CRIPTO: variants seen among roughly 807,000 people sequenced by gnomAD.
CRIPTO encodes protein Cripto.
chr3:46,582,262 C>A, the CRIPTO span: 1 of 152,138 alleles, frequency 6.6e-6, no homozygotes, highest in African/African-American at 2.4e-5. Flanking sequence ...AAAAATTATA[C>A]CTCAATGTCC....
At chr3:46,581,686 A>AT in the CRIPTO span, 1 of 491,188 alleles carries the variant, frequency 2.0e-6, no homozygotes, top group South Asian at 3.5e-5. Context: ...ATTTTTTTGT[A>AT]TTTTTAGTAG....
the CRIPTO span, chr3:46,577,874 C>T: frequency 2.3e-6 from 3 of 1,321,146 alleles, no homozygotes; most frequent in Non-Finnish European, 3.3e-6. Context: ...TTGCCATTTT[C>T]GCTTTAGGAG....
the CRIPTO span, chr3:46,577,549 C>T: frequency 5.3e-6 from 1 of 188,466 alleles, no homozygotes; most frequent in Non-Finnish European, 1.1e-5. Flanking sequence ...CTTTTTTTTT[C>T]CCAAAAGAGT....
chr3:46,575,401 C>G, the CRIPTO span, among the ~76,000 whole-genome samples: 1 of 152,156 alleles, frequency 6.6e-6, no homozygotes, highest in Non-Finnish European at 1.5e-5. Flanking sequence ...TTCCCTTCCC[C>G]TTCTCCCCAC....
the CRIPTO span, chr3:46,581,322 C>T: frequency 1.8e-6 from 2 of 1,104,518 alleles, no homozygotes; most frequent in Non-Finnish European, 2.8e-6. Context: ...AAGGCTGCTG[C>T]TACAATGTCC....
At chr3:46,581,676 A>G in the CRIPTO span, 1 of 492,706 alleles carries the variant, frequency 2.0e-6, no homozygotes, top group Admixed American at 3.9e-5. Context: ...TGCCCAGCTA[A>G]TTTTTTTGTA....
At chr3:46,580,913 A>G in the CRIPTO span, among the ~76,000 whole-genome samples, 3 of 152,188 alleles carry the variant, frequency 2.0e-5, no homozygotes, top group African/African-American at 7.2e-5. Context: ...TTGGATGTGT[A>G]GGGAACATGT....
chr3:46,575,341 C>T, the CRIPTO span, among the ~76,000 whole-genome samples: 1 of 152,220 alleles, frequency 6.6e-6, no homozygotes, highest in Non-Finnish European at 1.5e-5. Context: ...ATAGCCCTTA[C>T]ATCTCCAGCC....
the CRIPTO span, among the ~76,000 whole-genome samples, chr3:46,578,453 G>A: frequency 1.3e-5 from 2 of 151,892 alleles, no homozygotes; most frequent in South Asian, 2.1e-4. Flanking sequence ...GGTGGCTCAC[G>A]CCTGTAATCC....
the CRIPTO span, chr3:46,582,179 G>T: frequency 6.6e-6 from 1 of 152,132 alleles, no homozygotes; most frequent in Admixed American, 6.5e-5. Flanking sequence ...ATCATCTATA[G>T]AAAGCTATAT....
the CRIPTO span, chr3:46,579,638 C>T: frequency 2.2e-6 from 3 of 1,333,886 alleles, no homozygotes; most frequent in Non-Finnish European, 3.2e-6. Context: ...CAGAGACTTA[C>T]TCTGATACAA....
At chr3:46,578,717 A>G in the CRIPTO span, among the ~76,000 whole-genome samples, 1 of 152,190 alleles carries the variant, frequency 6.6e-6, no homozygotes, top group Non-Finnish European at 1.5e-5. Context: ...AAATAAATAA[A>G]TAAATACAGT....
chr3:46,579,055 C>G, the CRIPTO span: 2 of 1,611,592 alleles, frequency 1.2e-6, no homozygotes, highest in Non-Finnish European at 1.7e-6. Context: ...GGTTTTATTT[C>G]CTTTGTTTGG....
At chr3:46,579,671 T>C in the CRIPTO span, 5 of 1,521,816 alleles carry the variant, frequency 3.3e-6, no homozygotes, top group Non-Finnish European at 4.6e-6. Flanking sequence ...GTATTAACCT[T>C]CGCTTACAGG....
chr3:46,580,335 A>T, the CRIPTO span, among the ~76,000 whole-genome samples: 3 of 152,198 alleles, frequency 2.0e-5, no homozygotes, highest in Non-Finnish European at 4.4e-5. Flanking sequence ...TATTGAGGAA[A>T]ATAAACAAGT....
chr3:46,575,778 T>C, the CRIPTO span, among the ~76,000 whole-genome samples: 1 of 152,246 alleles, frequency 6.6e-6, no homozygotes, highest in Non-Finnish European at 1.5e-5. Flanking sequence ...ATAGAACTAG[T>C]TGTCTTGTCC....
chr3:46,579,450 G>C, the CRIPTO span: 1 of 1,607,998 alleles, frequency 6.2e-7, no homozygotes, highest in Non-Finnish European at 8.5e-7. Context: ...TCACCTAAAA[G>C]GGCACCTGGT....
the CRIPTO span, among the ~76,000 whole-genome samples, chr3:46,578,183 A>G: frequency 1.3e-5 from 2 of 152,154 alleles, no homozygotes; most frequent in African/African-American, 2.4e-5. Flanking sequence ...TAACTTTGCC[A>G]TTGGCTTTTA....
At chr3:46,578,950 A>C in the CRIPTO span, 1 of 870,352 alleles carries the variant, frequency 1.1e-6, no homozygotes, top group East Asian at 2.5e-5. Context: ...TACATGAATT[A>C]GCCATTAAAA....
Sources: allele counts gnomAD v4.1 joint callset (sites outside exome capture counted in the v4.1 genomes callset), GRCh38; gene constraint gnomAD v4.1.1; transcripts MANE v1.5; gene names NCBI Gene and HGNC (gene_info 2026-07-23, HGNC 2026-07-21).